CNTNAP5: variants seen among roughly 807,000 people sequenced by gnomAD.
CNTNAP5 encodes the protein contactin-associated protein-like 5.
CNTNAP5 carries 72 observed loss-of-function variants against 150.2 expected under a neutral mutation model. That is an observed-to-expected ratio of 0.48 (90% CI 0.40 to 0.58). The LOEUF (loss-of-function observed/expected upper bound fraction) is 0.58. CNTNAP5 is among the 20% of genes least tolerant of loss of function. CNTNAP5 has a pLI of 0.00. For missense variants in CNTNAP5, 1,636 were observed against 1,626.2 expected, an observed-to-expected ratio of 1.01 and a Z score of -0.10; for synonymous variants, 672 against 619.8, an observed-to-expected ratio of 1.08 and a Z score of -1.25.
At chr2:124,708,775 G>T (rs1679746781) in intron 13 of CNTNAP5, among the ~76,000 whole-genome samples, 1 of 152,164 alleles carries the variant, frequency 6.6e-6, no homozygotes, top group South Asian at 2.1e-4. Flanking sequence ...GTCATTAATT[G>T]TGGGCACTAA....
intron 17 of CNTNAP5, among the ~76,000 whole-genome samples, chr2:124,781,907 G>T (rs1448448235): frequency 6.6e-6 from 1 of 152,144 alleles, no homozygotes; most frequent in African/African-American, 2.4e-5. Flanking sequence ...TCAGGATGAG[G>T]TTGTTGCCCT....
At chr2:124,738,646 C>A (rs10205153) in intron 13 of CNTNAP5, among the ~76,000 whole-genome samples, 216 of 151,674 alleles carry the variant, frequency 1.4e-3, no homozygotes, top group African/African-American at 5.1e-3. Flanking sequence ...CAGGAGAATC[C>A]CTTGAACCTG....
intron 3 of CNTNAP5, among the ~76,000 whole-genome samples, chr2:124,257,614 T>C (rs1428826777): frequency 6.6e-6 from 1 of 152,182 alleles, no homozygotes; most frequent in Non-Finnish European, 1.5e-5. Flanking sequence ...CCTGATTCAA[T>C]TACTTCAAGT....
chr2:124,641,972 G>A (rs7564755), intron 12 of CNTNAP5, among the ~76,000 whole-genome samples: 77,082 of 152,060 alleles, frequency 0.51, 20,801 homozygotes, highest in Non-Finnish European at 0.62. Context: ...TGCTTACAGC[G>A]TCTGTAATTA....
At chr2:124,235,452 T>C (rs903677440) in intron 2 of CNTNAP5, among the ~76,000 whole-genome samples, 5 of 152,078 alleles carry the variant, frequency 3.3e-5, no homozygotes, top group Admixed American at 2.6e-4. Flanking sequence ...GATGCCACCC[T>C]GCTCTTCAGA....
At chr2:124,606,782 G>A (rs368434021) in intron 11 of CNTNAP5, among the ~76,000 whole-genome samples, 1 of 152,108 alleles carries the variant, frequency 6.6e-6, no homozygotes, top group East Asian at 1.9e-4. Context: ...CTTGAGACTC[G>A]TTAACTATCA....
At chr2:124,554,088 G>GT (rs879742302) in intron 10 of CNTNAP5, among the ~76,000 whole-genome samples, 246 of 151,356 alleles carry the variant, frequency 1.6e-3, no homozygotes, top group African/African-American at 5.5e-3. Flanking sequence ...TGTTCTTTAA[G>GT]TTTTTTTTTC....
rs185161591 is a variant in CNTNAP5, at chr2:124,879,244, T to A, written c.3436+9482T>A. ...AAGACCCCAGCCTCATTTACGGTTT[T>A]ATCTTCCCTGCTACTGTATTGGCAG... On this transcript the variant is annotated intron_variant, in intron 21 of 23. Transcript: ENST00000682447. Among the ~76,000 whole-genome samples the A allele has an allele frequency of 3.2e-4, 48 of 152,226 alleles. 1 individual carries two copies. The highest frequency in any genetic ancestry group is 1.2e-3 in the African/African-American group (48 of 41,562).
chr2:124,747,836 A>G, intron 14 of CNTNAP5, among the ~76,000 whole-genome samples: 1 of 108,780 alleles, frequency 9.2e-6, no homozygotes, highest in Non-Finnish European at 1.7e-5. Context: ...CAAGAGTTTC[A>G]CCATGTTGGC....
At chr2:124,295,554 C>T (rs564761626) in intron 3 of CNTNAP5, among the ~76,000 whole-genome samples, 1 of 152,132 alleles carries the variant, frequency 6.6e-6, no homozygotes, top group African/African-American at 2.4e-5. Context: ...CTTCTTCTGT[C>T]TGTGTATTTA....
chr2:124,101,409 C>T (rs1683058539), intron 1 of CNTNAP5, among the ~76,000 whole-genome samples: 1 of 152,070 alleles, frequency 6.6e-6, no homozygotes, highest in African/African-American at 2.4e-5. Context: ...CTACTGTTGA[C>T]CTCTAATTAG....
At chr2:124,613,374 C>A (rs1409592554) in intron 12 of CNTNAP5, among the ~76,000 whole-genome samples, 3 of 152,158 alleles carry the variant, frequency 2.0e-5, no homozygotes, top group African/African-American at 7.2e-5. Context: ...GGCAGGAAAA[C>A]CAAGCTCTCT....
chr2:124,871,741 C>G (rs1054926548), intron 21 of CNTNAP5, among the ~76,000 whole-genome samples: 7 of 152,028 alleles, frequency 4.6e-5, no homozygotes, highest in African/African-American at 1.7e-4. Flanking sequence ...ATCCTTTTTT[C>G]TTTGATGTTT....
chr2:124,157,271 T>A (rs1170941539), intron 1 of CNTNAP5, among the ~76,000 whole-genome samples: 1 of 152,160 alleles, frequency 6.6e-6, no homozygotes, highest in Non-Finnish European at 1.5e-5. Context: ...AGTGCCTCGT[T>A]GGAAAACAAA....
intron 1 of CNTNAP5, among the ~76,000 whole-genome samples, chr2:124,143,983 T>C (rs1684183575): frequency 6.6e-6 from 1 of 151,570 alleles, no homozygotes; most frequent in African/African-American, 2.4e-5. Context: ...TCACAAACAT[T>C]CTTATACAAC....
rs990614488 is a variant in CNTNAP5, at chr2:124,916,429, A to G, written c.*2141A>G. On this transcript the variant is annotated 3_prime_UTR_variant, in exon 24 of 24. Coordinates refer to ENST00000682447, the MANE Select transcript of CNTNAP5 (RefSeq NM_001367498.1). ...ATAAATCAGCCTTTTGCTTGGCTATATATTCCTTTGTCCCCTGAAATAAAA... is the reference window on the plus strand; with the variant it reads ...ATAAATCAGCCTTTTGCTTGGCTATGTATTCCTTTGTCCCCTGAAATAAAA... Among the ~76,000 whole-genome samples, 2 of 152,010 alleles carry G rather than the reference A, an allele frequency of 1.3e-5. No homozygotes were observed. Among genetic ancestry groups the G allele is most frequent in the Non-Finnish European group, 2.9e-5 (2 of 67,978 alleles).
chr2:124,902,956 T>C lies in CNTNAP5; in HGVS notation c.3511T>C (p.Tyr1171His), dbSNP rs769855380. 6.2e-7 allele frequency: 1 copy of C among 1,613,252 alleles called. No homozygotes were observed. Among genetic ancestry groups the C allele is most frequent in the African/African-American group, 1.3e-5 (1 of 75,070 alleles). ...TGCTGGATGCATGTCTTCCGTCCAG[T>C]ACAACCACATAGCACCACTGAAGGC... ...GFAGCMSSVQYNHIAPLKAAL... is the reference protein window; with the variant it reads ...GFAGCMSSVQHNHIAPLKAAL... Residue 1171 changes from tyrosine to histidine, a missense_variant, in exon 22 of 24, where the codon TAC becomes CAC. Tyr to His is a moderately conservative substitution (Grantham distance 83, BLOSUM62 2). Coordinates refer to ENST00000682447, the MANE Select transcript of CNTNAP5 (RefSeq NM_001367498.1).
At chr2:124,038,456 C>T (rs1170635851) in intron 1 of CNTNAP5, among the ~76,000 whole-genome samples, 3 of 152,068 alleles carry the variant, frequency 2.0e-5, no homozygotes, top group Non-Finnish European at 4.4e-5. Context: ...ACAGTCTTGC[C>T]TCTCTTCTGC....
intron 7 of CNTNAP5, among the ~76,000 whole-genome samples, chr2:124,499,470 G>A (rs142905467): frequency 1.3e-5 from 2 of 152,300 alleles, no homozygotes; most frequent in Non-Finnish European, 2.9e-5. Flanking sequence ...AGGGTGCAGA[G>A]GAATGAAGAG....
Sources: allele counts gnomAD v4.1 joint callset (sites outside exome capture counted in the v4.1 genomes callset), GRCh38; gene constraint gnomAD v4.1.1; transcripts MANE v1.5; gene names NCBI Gene and HGNC (gene_info 2026-07-23, HGNC 2026-07-21).